MITF: variants seen among roughly 807,000 people sequenced by gnomAD.
MITF encodes microphthalmia-associated transcription factor.
MITF carries 17 observed loss-of-function variants against 60.5 expected under a neutral mutation model. The observed-to-expected ratio is 0.28, with a 90% CI of 0.19 to 0.42. MITF has a LOEUF of 0.42. Ranked by LOEUF, MITF falls within the 10% of genes least tolerant of loss-of-function variation. The pLI, the probability that MITF is intolerant of heterozygous loss-of-function variation, is 1.00. For missense variants in MITF, 622 were observed against 683.5 expected, an observed-to-expected ratio of 0.91 and a Z score of 1.00; for synonymous variants, 260 against 248.5, an observed-to-expected ratio of 1.05 and a Z score of -0.43.
intron 1 of MITF, among the ~76,000 whole-genome samples, chr3:69,873,489 C>A (rs187044591): frequency 6.6e-6 from 1 of 152,306 alleles, no homozygotes; most frequent in Non-Finnish European, 1.5e-5. Context: ...TTCAACCTAT[C>A]AGTTCCTTTC....
chr3:69,757,997 A>ATGTGTGTGTG (rs60250386), intron 1 of MITF, among the ~76,000 whole-genome samples: 40 of 116,050 alleles, frequency 3.4e-4, no homozygotes, highest in African/African-American at 1.4e-3. Context: ...ACCCTAGGGC[A>ATGTGTGTGTG]TGTGTGTGTG....
rs1469926518 is a variant in MITF at position 69,879,388 on chromosome 3, G to A, written c.354+5G>A. The A allele has an allele frequency of 1.9e-6, 3 of 1,614,064 alleles. No individual in the cohort carries two copies. Among genetic ancestry groups the A allele is most frequent in the East Asian group, 2.2e-5 (1 of 44,896 alleles). ...GTGCCGATGGAAGTCCTTAAGGTAC[G>A]TGAGTGTTGCTCTTGTTGGTTGGAC... On this transcript the variant is annotated splice_donor_5th_base_variant and intron_variant, in intron 2 of 9. Coordinates refer to ENST00000352241, the MANE Select transcript of MITF (RefSeq NM_001354604.2).
At chr3:69,852,695 A>G (rs916938173) in intron 1 of MITF, among the ~76,000 whole-genome samples, 2 of 152,212 alleles carry the variant, frequency 1.3e-5, no homozygotes, top group African/African-American at 4.8e-5. Flanking sequence ...TTACTAGGTT[A>G]TGAGGCATGC....
Position 69,941,330 on chromosome 3 carries a change from C to A in MITF, c.761C>A (p.Thr254Lys). 1.2e-6 allele frequency: 2 copies of A among 1,601,384 alleles called. No individual in the cohort carries two copies. The highest frequency in any genetic ancestry group is 1.7e-6 in the Non-Finnish European group (2 of 1,168,836). ...LMDPALQMANTLPVSGNLIDL... is the reference protein window; with the variant it reads ...LMDPALQMANKLPVSGNLIDL... ...GATCCTGCTTTGCAAATGGCAAATA[C>A]GGTATTGATAACCTTTTTTTAAGTA... The change falls in exon 5 of 10, where the codon ACG (threonine) becomes AAG (lysine). Residue 254 changes from threonine (T) to lysine (K), a missense_variant and splice_region_variant. Physicochemically the swap from Thr to Lys is moderately conservative, Grantham distance 78 (BLOSUM62 -1). Transcript: ENST00000352241.
intron 1 of MITF, among the ~76,000 whole-genome samples, chr3:69,801,616 GA>G (rs2062920781): frequency 6.6e-6 from 1 of 152,132 alleles, no homozygotes; most frequent in Non-Finnish European, 1.5e-5. Context: ...AGGCAACTGT[GA>G]TATATTTTAC....
In MITF at chr3:69,965,688, AT is replaced by A; in HGVS notation, c.*441del. On this transcript the variant is annotated 3_prime_UTR_variant, in exon 10 of 10. Transcript: ENST00000352241. Reference sequence around the variant, plus strand: ...AAGAAAGAAAGAGGAAAAGAAATCCATACTAACCCTTTTCCATTTTATAAAT... The same window carrying A: ...AAGAAAGAAAGAGGAAAAGAAATCCAACTAACCCTTTTCCATTTTATAAAT... The A allele has an allele frequency of 4.0e-6, 1 of 249,956 alleles. No homozygotes were observed. The highest frequency in any genetic ancestry group is 7.9e-6 in the Non-Finnish European group (1 of 126,638). The allele number at this position is 249,956 out of a possible 1,614,324, so 15.5% of individuals were successfully genotyped here.
chr3:69,896,291 G>A (rs1007323649), intron 2 of MITF, among the ~76,000 whole-genome samples: 8 of 152,098 alleles, frequency 5.3e-5, no homozygotes, highest in African/African-American at 1.2e-4. Context: ...CTTTCCACAG[G>A]GCTCTGCTCT....
At chr3:69,744,877 T>A (rs1416821432) in intron 1 of MITF, among the ~76,000 whole-genome samples, 1 of 152,220 alleles carries the variant, frequency 6.6e-6, no homozygotes, top group African/African-American at 2.4e-5. Context: ...GACATTAGTG[T>A]ATCCATAAAA....
chr3:69,859,664 A>C (rs2063978329), intron 1 of MITF, among the ~76,000 whole-genome samples: 1 of 151,914 alleles, frequency 6.6e-6, no homozygotes, highest in Non-Finnish European at 1.5e-5. Context: ...AGAAGAAAGA[A>C]ACTGATGTTG....
chr3:69,785,315 G>A (rs1394359625), intron 1 of MITF, among the ~76,000 whole-genome samples: 2 of 152,090 alleles, frequency 1.3e-5, no homozygotes, highest in Admixed American at 6.6e-5. Context: ...GCAGTAGTGA[G>A]CATTTACTGA....
In MITF at chr3:69,787,704, C is replaced by T. The variant is rs990293972; in HGVS notation, c.104+48003C>T. On this transcript the variant is annotated intron_variant, in intron 1 of 9. Coordinates refer to ENST00000352241, the MANE Select transcript of MITF (RefSeq NM_001354604.2). ...TTTTCTTTTTTTCTCTTCTTGATCT[C>T]AGTATGACTGCTCCTTATTTCTGAC... Among the ~76,000 whole-genome samples the T allele has an allele frequency of 1.2e-4, 19 of 152,198 alleles. No individual in the cohort carries two copies. The South Asian group carries it at 2.5e-3, about 20-fold the overall frequency.
intron 1 of MITF, among the ~76,000 whole-genome samples, chr3:69,791,398 A>G (rs1559632192): frequency 6.6e-6 from 1 of 152,192 alleles, no homozygotes; most frequent in Non-Finnish European, 1.5e-5. Context: ...CAGAGAAAAG[A>G]CAAATACATG....
At chr3:69,845,364 T>G (rs965406590) in intron 1 of MITF, among the ~76,000 whole-genome samples, 3 of 151,888 alleles carry the variant, frequency 2.0e-5, no homozygotes, top group Admixed American at 6.6e-5. Flanking sequence ...GACCTATTTT[T>G]GAGTCTACTT....
Position 69,951,855 on chromosome 3 carries a change from A to G in MITF, c.924A>G (p.Lys308=). ...PTESEARALA[K]ERQKKDNHNL... ...AGTCTGAAGCAAGAGCACTGGCCAA[A>G]GAGAGGCAGAAAAAGGACAATCACA... Residue 308 remains lysine (K), a synonymous_variant, in exon 7 of 10, where the codon AAA becomes AAG. Coordinates refer to ENST00000352241, the MANE Select transcript of MITF (RefSeq NM_001354604.2). 1.2e-6 allele frequency: 2 copies of G among 1,613,508 alleles called. No individual in the cohort carries two copies. The highest frequency in any genetic ancestry group is 1.7e-6 in the Non-Finnish European group (2 of 1,179,650).
intron 1 of MITF, among the ~76,000 whole-genome samples, chr3:69,814,995 A>G (rs1408425947): frequency 6.6e-6 from 1 of 152,090 alleles, no homozygotes; most frequent in Non-Finnish European, 1.5e-5. Flanking sequence ...GTAAGGATAA[A>G]CTTTTCTGGT....
chr3:69,761,781 A>T (rs2062215902), intron 1 of MITF, among the ~76,000 whole-genome samples: 1 of 152,230 alleles, frequency 6.6e-6, no homozygotes, highest in Non-Finnish European at 1.5e-5. Flanking sequence ...TGGATACTTA[A>T]TCATTCACAA....
chr3:69,811,802 A>G (rs1170089248), intron 1 of MITF, among the ~76,000 whole-genome samples: 1 of 152,182 alleles, frequency 6.6e-6, no homozygotes, highest in Non-Finnish European at 1.5e-5. Context: ...TTTGAGGAAG[A>G]CTGTGTACAC....
intron 1 of MITF, among the ~76,000 whole-genome samples, chr3:69,843,550 T>C (rs1044369511): frequency 2.6e-5 from 4 of 152,182 alleles, no homozygotes; most frequent in African/African-American, 9.7e-5. Flanking sequence ...GGTGTCTGTC[T>C]TGTGGGTGTT....
chr3:69,805,456 G>T (rs1363903627), intron 1 of MITF, among the ~76,000 whole-genome samples: 1 of 109,804 alleles, frequency 9.1e-6, no homozygotes, highest in Non-Finnish European at 2.4e-5. Context: ...GCTACCTGCT[G>T]GTTTCTTGGG....
Sources: allele counts gnomAD v4.1 joint callset (sites outside exome capture counted in the v4.1 genomes callset), GRCh38; gene constraint gnomAD v4.1.1; transcripts MANE v1.5; gene names NCBI Gene and HGNC (gene_info 2026-07-23, HGNC 2026-07-21).